PKP4: variants seen among roughly 807,000 people sequenced by gnomAD.
PKP4 encodes plakophilin-4.
Under a neutral mutation model 145.1 loss-of-function variants are expected in PKP4, and 90 were observed. The observed-to-expected ratio is 0.62, with a 90% CI of 0.52 to 0.74. The LOEUF (loss-of-function observed/expected upper bound fraction) is 0.74, where lower values mean the gene tolerates loss of function less well. PKP4 is among the 30% of genes least tolerant of loss of function. PKP4 has a pLI of 0.00. For missense variants in PKP4, 1,340 were observed against 1,482.7 expected (o/e 0.90, Z 1.58); for synonymous variants, 563 against 577.2 (o/e 0.98, Z 0.35).
chr2:158,474,008 G>A (rs1282546467), intron 1 of PKP4, among the ~76,000 whole-genome samples: 1 of 152,134 alleles, frequency 6.6e-6, no homozygotes, highest in Non-Finnish European at 1.5e-5. Flanking sequence ...TTTATTATAT[G>A]CATTACAGAA....
chr2:158,522,689 C>T (rs543015382), intron 1 of PKP4, among the ~76,000 whole-genome samples: 3 of 152,310 alleles, frequency 2.0e-5, no homozygotes, highest in African/African-American at 7.2e-5. Flanking sequence ...ACGCAGAAGA[C>T]GGGTGATTTC....
At chr2:158,560,201 A>G (rs568256738) in intron 2 of PKP4, among the ~76,000 whole-genome samples, 45 of 152,280 alleles carry the variant, frequency 3.0e-4, no homozygotes, top group Non-Finnish European at 6.0e-4. Context: ...GGCTGGCTAT[A>G]TAAAGAAATC....
At position 158,533,222 on chromosome 2, in the gene PKP4, G is replaced by A. The variant is rs1198390220; in HGVS notation, c.38G>A (p.Gly13Glu). 6.2e-7 allele frequency: 1 copy of A among 1,613,700 alleles called. No individual in the cohort carries two copies. Among genetic ancestry groups the A allele is most frequent in the Admixed American group, 1.7e-5 (1 of 59,982 alleles). Residue 13 changes from glycine (G) to glutamate (E), a missense_variant, in exon 2 of 22, where the codon GGG becomes GAG. Coordinates refer to ENST00000389759, the MANE Select transcript of PKP4 (RefSeq NM_003628.6). ...GAGCAGGCCTCATTGGTGGAGGAGGGGCAACCACAGACCCGCCAGGAAGCT... is the reference window on the plus strand; with the variant it reads ...GAGCAGGCCTCATTGGTGGAGGAGGAGCAACCACAGACCCGCCAGGAAGCT... ...APEQASLVEEGQPQTRQEAAS... is the reference protein window; with the variant it reads ...APEQASLVEEEQPQTRQEAAS...
At chr2:158,611,297 C>G (rs1295565776) in intron 4 of PKP4, among the ~76,000 whole-genome samples, 2 of 152,130 alleles carry the variant, frequency 1.3e-5, no homozygotes, top group Non-Finnish European at 2.9e-5. Context: ...ACATACTATT[C>G]ATTTAAATCA....
chr2:158,583,109 C>T (rs1214592180), intron 3 of PKP4, among the ~76,000 whole-genome samples: 1 of 152,186 alleles, frequency 6.6e-6, no homozygotes, highest in Non-Finnish European at 1.5e-5. Flanking sequence ...GAAATATGTC[C>T]TTTAAGTCTC....
intron 2 of PKP4, among the ~76,000 whole-genome samples, chr2:158,574,943 A>C (rs555131229): frequency 3.9e-5 from 6 of 152,344 alleles, no homozygotes; most frequent in African/African-American, 1.2e-4. Context: ...AAGAACTGTA[A>C]ATTGTTTCTG....
rs749643654 is a variant in PKP4 at position 158,533,164 on chromosome 2, G to C, written c.-5-16G>C. The C allele has an allele frequency of 6.2e-7, 1 of 1,602,912 alleles. No individual in the cohort carries two copies. ...GCCCAGAAGAAAGTGTTAACCCTTTGCCTGCTTGATTGCAGGAGGAATGCC... is the reference window on the plus strand; with the variant it reads ...GCCCAGAAGAAAGTGTTAACCCTTTCCCTGCTTGATTGCAGGAGGAATGCC... On this transcript the variant is annotated splice_polypyrimidine_tract_variant and intron_variant, in intron 1 of 21. Transcript: ENST00000389759.
intron 1 of PKP4, among the ~76,000 whole-genome samples, chr2:158,498,483 T>G (rs1003496706): frequency 6.6e-6 from 1 of 152,246 alleles, no homozygotes; most frequent in African/African-American, 2.4e-5. Flanking sequence ...GTTATCAGTT[T>G]TACATAGTTT....
chr2:158,528,361 T>A (rs77522254), intron 1 of PKP4, among the ~76,000 whole-genome samples: 95,313 of 111,586 alleles, frequency 0.85, 41,291 homozygotes, highest in Middle Eastern at 0.92. Context: ...ATTGGAAACC[T>A]TCATTCTCAG....
At chr2:158,457,551 G>C (rs997713540) in intron 1 of PKP4, 4 of 152,340 alleles carry the variant, frequency 2.6e-5, no homozygotes, top group Non-Finnish European at 5.9e-5. Flanking sequence ...TCCCAGCCCC[G>C]AACTTGAGCG....
rs1285374047 is a variant in PKP4, at chr2:158,663,272, T to C, written c.2404T>C (p.Trp802Arg). The change falls in exon 15 of 22, where the codon TGG becomes CGG. Residue 802 changes from tryptophan to arginine, a missense_variant and splice_region_variant. Coordinates refer to ENST00000389759, the MANE Select transcript of PKP4 (RefSeq NM_003628.6). ...TTAACGTGTGCTGTTTGTCTTTCAG[T>C]GGGATGGAGTTGGTCCTATCCCAGG... is the stretch of plus-strand genomic sequence containing the variant. Reference protein sequence around the residue: ...KKKRTPQEDQWDGVGPIPGLS... With the variant: ...KKKRTPQEDQRDGVGPIPGLS... The C allele has an allele frequency of 1.2e-6, 2 of 1,611,336 alleles. No individual in the cohort carries two copies. Among genetic ancestry groups the C allele is most frequent in the Non-Finnish European group, 1.7e-6 (2 of 1,178,984 alleles).
At chr2:158,565,768 A>C (rs1423448456) in intron 2 of PKP4, among the ~76,000 whole-genome samples, 1 of 152,162 alleles carries the variant, frequency 6.6e-6, no homozygotes, top group Non-Finnish European at 1.5e-5. Context: ...TACAGCTTTA[A>C]TATTCCTTAT....
intron 2 of PKP4, among the ~76,000 whole-genome samples, chr2:158,557,142 G>T (rs946773547): frequency 2.0e-5 from 3 of 152,080 alleles, no homozygotes; most frequent in Non-Finnish European, 4.4e-5. Context: ...TTAAATAAAA[G>T]ATGCCTCTCC....
At chr2:158,605,648 T>G (rs536752087) in intron 4 of PKP4, among the ~76,000 whole-genome samples, 2 of 152,340 alleles carry the variant, frequency 1.3e-5, no homozygotes, top group South Asian at 2.1e-4. Context: ...TATTGAGAGA[T>G]AATTCATACT....
chr2:158,562,359 T>G (rs2046605118), intron 2 of PKP4, among the ~76,000 whole-genome samples: 1 of 152,210 alleles, frequency 6.6e-6, no homozygotes, highest in South Asian at 2.1e-4. Flanking sequence ...TTGAGGACAT[T>G]ATGCTAAGTG....
chr2:158,528,280 A>G (rs1389063346), intron 1 of PKP4, among the ~76,000 whole-genome samples: 4 of 149,482 alleles, frequency 2.7e-5, no homozygotes, highest in African/African-American at 7.3e-5. Flanking sequence ...AACGTGGCAC[A>G]TATACACCAT....
rs748755666 is a variant in PKP4, at chr2:158,625,304, A to T, written c.1030A>T (p.Thr344Ser). The change falls in exon 7 of 22, where the codon ACC (threonine) becomes TCC (serine). Residue 344 changes from threonine to serine, a missense_variant. Thr to Ser is a moderately conservative substitution (Grantham distance 58, BLOSUM62 1). Transcript: ENST00000389759. Reference protein sequence around the residue: ...GSSSPKRSGMTAVPQHLGPSL... With the variant: ...GSSSPKRSGMSAVPQHLGPSL... ...GTCGTCCCCCAAACGCTCAGGGATG[A>T]CCGCCGTACCACAGCATCTGGGACC... is the stretch of plus-strand genomic sequence containing the variant. 6.2e-7 allele frequency: 1 copy of T among 1,614,166 alleles called. No homozygotes were observed. Among genetic ancestry groups the T allele is most frequent in the Non-Finnish European group, 8.5e-7 (1 of 1,180,032 alleles).
At chr2:158,474,944 T>A (rs993702721) in intron 1 of PKP4, among the ~76,000 whole-genome samples, 6 of 150,724 alleles carry the variant, frequency 4.0e-5, no homozygotes, top group Non-Finnish European at 5.9e-5. Context: ...TGCTAAACAT[T>A]TTTAACTCAG....
At chr2:158,528,574 C>A in intron 1 of PKP4, among the ~76,000 whole-genome samples, 1 of 119,272 alleles carries the variant, frequency 8.4e-6, no homozygotes, top group Non-Finnish European at 1.6e-5. Flanking sequence ...CAGCATGGCA[C>A]ATGTATACAT....
Sources: allele counts gnomAD v4.1 joint callset (sites outside exome capture counted in the v4.1 genomes callset), GRCh38; gene constraint gnomAD v4.1.1; transcripts MANE v1.5; gene names NCBI Gene and HGNC (gene_info 2026-07-23, HGNC 2026-07-21).